VPS54: variants seen among roughly 807,000 people sequenced by gnomAD.
VPS54 encodes the protein vacuolar protein sorting-associated protein 54.
A neutral mutation model predicts 121.5 loss-of-function variants in VPS54; 45 were observed. The ratio of observed to expected loss-of-function variants is 0.37; its 90% CI spans 0.29 to 0.47. The LOEUF is 0.47. Ranked by LOEUF, VPS54 falls within the 20% of genes least tolerant of loss-of-function variation. The pLI is 0.99. For synonymous variants in VPS54, 371 were observed against 385.8 expected (o/e 0.96, Z 0.45); for missense variants, 1,090 against 1,131.4 (o/e 0.96, Z 0.52).
intron 3 of VPS54, among the ~76,000 whole-genome samples, chr2:63,979,263 G>A (rs36085609): frequency 0.25 from 35,911 of 142,728 alleles, 4,701 homozygotes; most frequent in Non-Finnish European, 0.27. Flanking sequence ...TTTTGGAGAC[G>A]GAGTCTCGCT....
intron 20 of VPS54, among the ~76,000 whole-genome samples, chr2:63,911,644 G>A (rs930656427): frequency 6.6e-6 from 1 of 152,142 alleles, no homozygotes; most frequent in Non-Finnish European, 1.5e-5. Context: ...TGATTCTTAT[G>A]TACCTGCTGT....
intron 1 of VPS54, among the ~76,000 whole-genome samples, chr2:64,007,039 T>G (rs1678189780): frequency 6.6e-6 from 1 of 152,260 alleles, no homozygotes; most frequent in Non-Finnish European, 1.5e-5. Flanking sequence ...TTTCTTTGCT[T>G]GAGCATTCCT....
intron 10 of VPS54, among the ~76,000 whole-genome samples, chr2:63,943,222 A>C (rs1490717101): frequency 1.3e-5 from 2 of 152,238 alleles, no homozygotes; most frequent in African/African-American, 4.8e-5. Flanking sequence ...ATTAACTTCA[A>C]GGTGAAAAAA....
At chr2:63,947,082 T>C (rs1247136405) in intron 9 of VPS54, among the ~76,000 whole-genome samples, 1 of 151,912 alleles carries the variant, frequency 6.6e-6, no homozygotes, top group Non-Finnish European at 1.5e-5. Flanking sequence ...TTAAAAATGA[T>C]GTTTCTGAAA....
At chr2:63,931,466 A>C (rs1338435057) in intron 12 of VPS54, among the ~76,000 whole-genome samples, 1 of 152,180 alleles carries the variant, frequency 6.6e-6, no homozygotes, top group African/African-American at 2.4e-5. Flanking sequence ...AGAAAACTGA[A>C]ACTGGACCCC....
At position 63,967,718 on chromosome 2, in the gene VPS54, C is replaced by CAAAAAAAAAAA. The variant is rs56820620; in HGVS notation, c.492+1228_492+1238dup. 3.0e-4 allele frequency among the ~76,000 whole-genome samples: 16 copies of CAAAAAAAAAAA among 52,984 alleles called. 3 individuals carry two copies. The highest frequency in any genetic ancestry group is 3.3e-4 in the Non-Finnish European group (9 of 27,368). 34.8% of individuals were successfully genotyped at this position (52,984 alleles called of 152,430 possible). A position where few individuals can be genotyped will look rare whatever the true frequency, so the allele number is the denominator to read the frequency against. On this transcript the variant is annotated intron_variant, in intron 5 of 22. Transcript: ENST00000272322. ...TGGGCGACAGAGAGAGACTCTGCCT[C>CAAAAAAAAAAA]AAAAAAAAAAAAAAAAATCTTATAA...
chr2:63,945,603 T>C (rs1339847718), intron 9 of VPS54, among the ~76,000 whole-genome samples: 1 of 152,208 alleles, frequency 6.6e-6, no homozygotes, highest in Non-Finnish European at 1.5e-5. Flanking sequence ...TTTTTATCTC[T>C]TATGTATCTC....
At chr2:63,913,822 A>C in intron 17 of VPS54, 1 of 1,043,986 alleles carries the variant, frequency 9.6e-7, no homozygotes, top group Non-Finnish European at 1.1e-6. Flanking sequence ...AAAAATCTCT[A>C]ACCTTAGTGA....
chr2:64,001,582 G>C (rs890684248), intron 1 of VPS54, among the ~76,000 whole-genome samples: 1 of 152,070 alleles, frequency 6.6e-6, no homozygotes, highest in Non-Finnish European at 1.5e-5. Context: ...GTCAGCACAG[G>C]ATGGATCCTG....
intron 11 of VPS54, among the ~76,000 whole-genome samples, chr2:63,934,606 C>A (rs1262968951): frequency 6.6e-6 from 1 of 152,160 alleles, no homozygotes; most frequent in Non-Finnish European, 1.5e-5. Flanking sequence ...GTGGTCACTT[C>A]CTCAGAGGCC....
intron 11 of VPS54, among the ~76,000 whole-genome samples, chr2:63,938,691 C>T (rs1233279594): frequency 1.3e-5 from 2 of 152,192 alleles, no homozygotes; most frequent in Admixed American, 1.3e-4. Context: ...TCTCAAATTC[C>T]TGACCTCAGG....
chr2:64,013,825 G>A (rs1312362608), intron 1 of VPS54, among the ~76,000 whole-genome samples: 2 of 151,234 alleles, frequency 1.3e-5, no homozygotes, highest in Non-Finnish European at 2.9e-5. Context: ...AAATCTTACT[G>A]AATAGCTGGG....
chr2:63,932,870 TTATTG>T (rs1674278441), intron 12 of VPS54, among the ~76,000 whole-genome samples: 1 of 152,148 alleles, frequency 6.6e-6, no homozygotes, highest in Non-Finnish European at 1.5e-5. Flanking sequence ...TATTAATAAT[TTATTG>T]TATCAATGTT....
chr2:63,997,976 T>G (rs1301095949), intron 1 of VPS54, among the ~76,000 whole-genome samples: 5 of 152,164 alleles, frequency 3.3e-5, no homozygotes, highest in Non-Finnish European at 7.4e-5. Flanking sequence ...GTAATTTCCA[T>G]GTGTTTGTAT....
chr2:63,990,254 C>T (rs1445470784), intron 1 of VPS54, among the ~76,000 whole-genome samples: 1 of 152,138 alleles, frequency 6.6e-6, no homozygotes, highest in Non-Finnish European at 1.5e-5. Flanking sequence ...ACTCTGGTGA[C>T]TTTGGCTTAA....
intron 15 of VPS54, among the ~76,000 whole-genome samples, chr2:63,918,231 G>A (rs1673476354): frequency 6.6e-6 from 1 of 151,950 alleles, no homozygotes; most frequent in Non-Finnish European, 1.5e-5. Context: ...CTCCAAAGAA[G>A]TGAAAATAAG....
chr2:64,009,227 C>T (rs1318933523), intron 1 of VPS54, among the ~76,000 whole-genome samples: 1 of 152,164 alleles, frequency 6.6e-6, no homozygotes, highest in Admixed American at 6.5e-5. Flanking sequence ...TTATGTTCAT[C>T]TTCTATTGAA....
chr2:63,904,463 AAGG>A (rs1368439533), intron 20 of VPS54, among the ~76,000 whole-genome samples: 3 of 150,978 alleles, frequency 2.0e-5, no homozygotes, highest in Admixed American at 1.3e-4. Flanking sequence ...AAAAAAAAAA[AAGG>A]GAGATCACAA....
chr2:63,980,939 T>C (rs905292086), intron 3 of VPS54, among the ~76,000 whole-genome samples: 1 of 151,886 alleles, frequency 6.6e-6, no homozygotes, highest in Non-Finnish European at 1.5e-5. Context: ...TTGATAGGAA[T>C]AAAAATGAAC....
Sources: gnomAD v4.1 joint callset for allele counts (sites outside exome capture counted in the v4.1 genomes callset) on GRCh38, gnomAD v4.1.1 for gene constraint, MANE v1.5 for transcripts, NCBI Gene and HGNC (gene_info 2026-07-23, HGNC 2026-07-21) for gene names.